The following TRAPPC12 variants were observed in gnomAD, a reference collection of about 807,000 sequenced individuals.
TRAPPC12 encodes TPR repeat protein 15.
Under a neutral mutation model 69.2 loss-of-function variants are expected in TRAPPC12, and 61 were observed. The observed-to-expected ratio is 0.88, with a 90% CI of 0.72 to 1.09. The LOEUF is 1.09. TRAPPC12 is among the 50% of genes least tolerant of loss of function. The pLI is 0.00. For synonymous variants in TRAPPC12, 469 were observed against 438.9 expected, an observed-to-expected ratio of 1.07 and a Z score of -0.86; for missense variants, 1,101 against 1,016.4, an observed-to-expected ratio of 1.08 and a Z score of -1.13.
intron 2 of TRAPPC12, among the ~76,000 whole-genome samples, chr2:3,398,711 C>A (rs1661257799): frequency 6.6e-6 from 1 of 152,228 alleles, no homozygotes; most frequent in South Asian, 2.1e-4. Flanking sequence ...CAGGCCCTAA[C>A]CGCCTGTCAG....
intron 5 of TRAPPC12, among the ~76,000 whole-genome samples, chr2:3,430,352 A>G (rs941417852): frequency 4.0e-5 from 6 of 151,866 alleles, no homozygotes; most frequent in African/African-American, 1.5e-4. Context: ...TTGTTTCCCC[A>G]CTCTTGTGTA....
chr2:3,425,976 A>G (rs1663078645), intron 5 of TRAPPC12, among the ~76,000 whole-genome samples: 1 of 152,172 alleles, frequency 6.6e-6, no homozygotes, highest in Admixed American at 6.5e-5. Flanking sequence ...TTGGAGGGGC[A>G]TAGGAACGAA....
In TRAPPC12 at chr2:3,401,819, A is replaced by G; in HGVS notation, c.1090A>G (p.Lys364Glu). 6.2e-7 allele frequency: 1 copy of G among 1,601,230 alleles called. No individual in the cohort carries two copies. Among genetic ancestry groups the G allele is most frequent in the South Asian group, 1.1e-5 (1 of 88,370 alleles). ...CTTGATGCTTCGCTTTCTGGGTGAA[A>G]AAGCTGCAGCAAAGAGACAAGTCCT... ...KDLMLRFLGE[K>E]AAAKRQVLNA... The change falls in exon 3 of 12, where the codon AAA (lysine) becomes GAA (glutamate). Residue 364 changes from lysine (K) to glutamate (E), a missense_variant. Coordinates refer to ENST00000324266, the MANE Select transcript of TRAPPC12 (RefSeq NM_016030.6).
At chr2:3,455,112 G>C (rs1380305659) in intron 6 of TRAPPC12, 1 of 152,284 alleles carries the variant, frequency 6.6e-6, no homozygotes, top group African/African-American at 2.4e-5. Flanking sequence ...CCGCTGACCA[G>C]GGCGCTGTCA....
chr2:3,421,715 T>C (rs1253035163), intron 3 of TRAPPC12, 166 bp from the exon 4 acceptor site: 1 of 724,962 alleles, frequency 1.4e-6, no homozygotes, highest in South Asian at 1.5e-5. Context: ...ACAAATGGCA[T>C]GCCCCTCCGT....
intron 9 of TRAPPC12, among the ~76,000 whole-genome samples, chr2:3,466,711 T>C (rs1665829916): frequency 6.6e-6 from 1 of 152,094 alleles, no homozygotes; most frequent in Admixed American, 6.5e-5. Context: ...GACAGCCCTG[T>C]CCATGGGCCC....
intron 6 of TRAPPC12, chr2:3,455,069 C>T (rs747248806): frequency 3.3e-5 from 5 of 152,280 alleles, no homozygotes; most frequent in African/African-American, 1.2e-4. Flanking sequence ...GTGCGCCACA[C>T]CCCGGGGACC....
intron 3 of TRAPPC12, among the ~76,000 whole-genome samples, chr2:3,406,379 C>T (rs1163647371): frequency 6.6e-6 from 1 of 152,136 alleles, no homozygotes; most frequent in Non-Finnish European, 1.5e-5. Flanking sequence ...CGTTCTTTAC[C>T]GTATTTACAG....
chr2:3,404,729 G>A (rs183553604), intron 3 of TRAPPC12, among the ~76,000 whole-genome samples: 24 of 152,152 alleles, frequency 1.6e-4, no homozygotes, highest in Non-Finnish European at 3.2e-4. Context: ...ATGGGTACAC[G>A]GCGTCTTCTT....
rs1040240793 is a variant in TRAPPC12 at position 3,388,877 on chromosome 2, C to T, written c.1047+207C>T. 9.9e-6 allele frequency: 5 copies of T among 507,362 alleles called. No homozygotes were observed. The East Asian group carries it at 1.7e-4, about 17-fold the overall frequency. The allele number at this position is 507,362 out of a possible 1,614,324, so 31.4% of individuals were successfully genotyped here. ...AGAACATATTTAATGGACTGCTACT[C>T]AGAGAGGTAGAAATAAATACCACCA... On this transcript the variant is annotated intron_variant, in intron 2 of 11. Transcript: ENST00000324266.
intron 8 of TRAPPC12, among the ~76,000 whole-genome samples, chr2:3,462,663 A>G (rs961872341): frequency 6.6e-6 from 1 of 152,274 alleles, no homozygotes; most frequent in East Asian, 1.9e-4. Flanking sequence ...GCACAGTGGC[A>G]TGTATTATAA....
chr2:3,381,436 A>G (rs1415432956), intron 1 of TRAPPC12, among the ~76,000 whole-genome samples: 5 of 152,226 alleles, frequency 3.3e-5, no homozygotes, highest in Admixed American at 2.6e-4. Flanking sequence ...AAAAAATTTT[A>G]AACAATTAAT....
chr2:3,439,723 T>C (rs983525051), intron 5 of TRAPPC12, among the ~76,000 whole-genome samples: 19 of 152,200 alleles, frequency 1.2e-4, no homozygotes, highest in African/African-American at 4.1e-4. Flanking sequence ...TTTTCTTTCA[T>C]GGATGGTGTT....
intron 9 of TRAPPC12, among the ~76,000 whole-genome samples, chr2:3,477,113 C>A (rs560321001): frequency 4.4e-4 from 67 of 152,346 alleles, no homozygotes; most frequent in African/African-American, 1.6e-3. Flanking sequence ...TTCCACCCCC[C>A]AGGCCTCCTC....
At chr2:3,434,283 A>G (rs62120505) in intron 5 of TRAPPC12, among the ~76,000 whole-genome samples, 23,414 of 152,226 alleles carry the variant, frequency 0.15, 2,069 homozygotes, top group Non-Finnish European at 0.2. Flanking sequence ...CCTGGAGCTC[A>G]CAGATGGTTT....
At chr2:3,465,431 C>T (rs1248655232) in intron 8 of TRAPPC12, among the ~76,000 whole-genome samples, 166 bp from the exon 9 acceptor site, 1 of 152,224 alleles carries the variant, frequency 6.6e-6, no homozygotes, top group South Asian at 2.1e-4. Context: ...AGCAGCCGCC[C>T]CCTGGCAGCC....
chr2:3,385,110 A>G (rs1660433414), intron 1 of TRAPPC12, among the ~76,000 whole-genome samples: 1 of 152,156 alleles, frequency 6.6e-6, no homozygotes, highest in Non-Finnish European at 1.5e-5. Context: ...TAGCTTTATA[A>G]TATATGTATG....
intron 5 of TRAPPC12, among the ~76,000 whole-genome samples, chr2:3,425,718 G>C (rs545013514): frequency 6.6e-6 from 1 of 152,306 alleles, no homozygotes; most frequent in African/African-American, 2.4e-5. Context: ...AATGGTCCTA[G>C]TTGTCAGGAA....
At chr2:3,407,806 AAAAAAG>A (rs1186887119) in intron 3 of TRAPPC12, among the ~76,000 whole-genome samples, 11 of 152,316 alleles carry the variant, frequency 7.2e-5, no homozygotes, top group Admixed American at 7.2e-4. Context: ...AAAAAAAGAA[AAAAAAG>A]AAAAAGAAAA....
Sources: gnomAD v4.1 joint callset for allele counts (sites outside exome capture counted in the v4.1 genomes callset) on GRCh38, gnomAD v4.1.1 for gene constraint, MANE v1.5 for transcripts, NCBI Gene and HGNC (gene_info 2026-07-23, HGNC 2026-07-21) for gene names.